Variants in DHRSX observed in about 807,000 individuals in gnomAD.
The protein encoded by DHRSX is dehydrogenase/reductase X-linked, also known as polyprenol dehydrogenase.
Under a neutral mutation model 34.0 loss-of-function variants are expected in DHRSX, and 31 were observed. That is an observed-to-expected ratio of 0.91 (90% CI 0.69 to 1.23). DHRSX has a LOEUF of 1.23. Among genes scored for constraint, DHRSX ranks in the 50% most tolerant of loss-of-function variants. The pLI, the probability that DHRSX is intolerant of heterozygous loss-of-function variation, is 0.00. For missense variants in DHRSX, 414 were observed against 428.1 expected, an observed-to-expected ratio of 0.97 and a Z score of 0.29; for synonymous variants, 201 against 183.8, an observed-to-expected ratio of 1.09 and a Z score of -0.76.
chrX:2,482,001 A>G (rs994609786), intron 1 of DHRSX, among the ~76,000 whole-genome samples: 1 of 151,456 alleles, frequency 6.6e-6, no homozygotes, highest in Admixed American at 6.6e-5. Flanking sequence ...CGCCCAGGCT[A>G]TTGCCCAGCC....
intron 3 of DHRSX, among the ~76,000 whole-genome samples, chrX:2,365,449 C>T (rs1015434551): frequency 3.1e-4 from 47 of 152,030 alleles, no homozygotes; most frequent in Non-Finnish European, 5.1e-4. Context: ...CAGGTTTTGG[C>T]CTTTTTGATG....
chrX:2,483,768 G>GA (rs201407141), intron 1 of DHRSX, among the ~76,000 whole-genome samples: 1 of 84,874 alleles, frequency 1.2e-5, no homozygotes, highest in African/African-American at 4.1e-5. Context: ...GGTGCCTCGA[G>GA]AAAAAAAAGG....
At chrX:2,367,822 G>A (rs1259842741) in intron 3 of DHRSX, among the ~76,000 whole-genome samples, 3 of 152,072 alleles carry the variant, frequency 2.0e-5, no homozygotes, top group African/African-American at 7.2e-5. Flanking sequence ...TATTCTCTGC[G>A]TCTTTCAAAT....
chrX:2,470,410 A>G (rs2044571281), intron 1 of DHRSX, among the ~76,000 whole-genome samples: 2 of 150,566 alleles, frequency 1.3e-5, no homozygotes, highest in Non-Finnish European at 1.5e-5. Flanking sequence ...CAAATAAAAA[A>G]AAAACTGAAA....
intron 6 of DHRSX, among the ~76,000 whole-genome samples, chrX:2,225,430 G>C (rs2015635207): frequency 6.6e-6 from 1 of 152,076 alleles, no homozygotes; most frequent in Non-Finnish European, 1.5e-5. Flanking sequence ...TCATTCACAT[G>C]CATACTTATA....
intron 2 of DHRSX, among the ~76,000 whole-genome samples, chrX:2,421,252 C>T (rs1460659125): frequency 2.0e-5 from 3 of 152,036 alleles, no homozygotes; most frequent in African/African-American, 7.2e-5. Flanking sequence ...TGGTGGTGCA[C>T]GCCTGTGGTC....
chrX:2,359,449 G>A (rs12841438), intron 3 of DHRSX, among the ~76,000 whole-genome samples: 40,740 of 152,046 alleles, frequency 0.27, 5,680 homozygotes, highest in Non-Finnish European at 0.31. Context: ...AGGCCAAGGC[G>A]GGTGGATCGC....
Position 2,304,683 on chromosome X carries a change from A to T in DHRSX, c.287-13080T>A, listed in dbSNP as rs150878063. On this transcript the variant is annotated intron_variant, in intron 3 of 6. Coordinates refer to ENST00000334651, the MANE Select transcript of DHRSX (RefSeq NM_145177.3). ...CTTTCCTTCACTTTCCACTATGATT[A>T]TGCATTTCCTCATGCCTCCCTAGAA... is the stretch of plus-strand genomic sequence containing the variant. Among the ~76,000 whole-genome samples, 1,418 of 152,162 alleles carry T rather than the reference A, an allele frequency of 9.3e-3. 19 individuals are homozygous for T. The highest frequency in any genetic ancestry group is 0.029 in the African/African-American group (1,224 of 41,502).
At chrX:2,364,415 G>A (rs1165200005) in intron 3 of DHRSX, among the ~76,000 whole-genome samples, 1 of 152,098 alleles carries the variant, frequency 6.6e-6, no homozygotes, top group Non-Finnish European at 1.5e-5. Flanking sequence ...TGGACATACT[G>A]CCAAGGTTGA....
At chrX:2,336,157 G>A (rs971800494) in intron 3 of DHRSX, among the ~76,000 whole-genome samples, 1 of 151,828 alleles carries the variant, frequency 6.6e-6, no homozygotes, top group East Asian at 1.9e-4. Context: ...ACAGGCGCCC[G>A]CCACCATGCC....
At chrX:2,302,574 T>G (rs182100197) in intron 3 of DHRSX, among the ~76,000 whole-genome samples, 57 of 152,056 alleles carry the variant, frequency 3.7e-4, no homozygotes, top group African/African-American at 1.2e-3. Context: ...ATCGCACCAC[T>G]GCACTCCAGC....
intron 3 of DHRSX, among the ~76,000 whole-genome samples, chrX:2,381,797 C>CAAAAAAAAAA (rs767319246): frequency 1.2e-5 from 1 of 81,614 alleles, no homozygotes; most frequent in East Asian, 4.8e-4. Flanking sequence ...AAGCCACAAC[C>CAAAAAAAAAA]AAAAAAAAAA....
At chrX:2,244,697 A>T (rs868321980) in intron 5 of DHRSX, among the ~76,000 whole-genome samples, 10 of 129,336 alleles carry the variant, frequency 7.7e-5, no homozygotes, top group East Asian at 6.1e-4. Flanking sequence ...ATATATATAT[A>T]TTTTTAAATT....
At chrX:2,468,621 G>C (rs6567557) in intron 1 of DHRSX, among the ~76,000 whole-genome samples, 7 of 150,142 alleles carry the variant, frequency 4.7e-5, no homozygotes, top group Admixed American at 2.0e-4. Context: ...CCAAGGGACC[G>C]CCGCCATGTA....
chrX:2,460,575 C>T (rs1183209390), intron 1 of DHRSX, among the ~76,000 whole-genome samples: 14 of 124,588 alleles, frequency 1.1e-4, no homozygotes, highest in African/African-American at 3.6e-4. Flanking sequence ...TGTGCCACCA[C>T]GTCTGGCTTT....
chrX:2,453,152 GAATAT>G (rs916020785), intron 1 of DHRSX, among the ~76,000 whole-genome samples: 4 of 152,144 alleles, frequency 2.6e-5, no homozygotes, highest in Non-Finnish European at 5.9e-5. Context: ...CGCATATGTA[GAATAT>G]AAAAAAGCTG....
intron 3 of DHRSX, among the ~76,000 whole-genome samples, chrX:2,298,612 A>ACG (rs2041967417): frequency 1.4e-4 from 8 of 57,232 alleles, no homozygotes; most frequent in African/African-American, 4.1e-4. Context: ...ACACACACAC[A>ACG]CACACACACA....
chrX:2,244,471 C>T (rs905004639), intron 5 of DHRSX, among the ~76,000 whole-genome samples: 6 of 152,124 alleles, frequency 3.9e-5, no homozygotes, highest in Admixed American at 6.6e-5. Context: ...CACACAACCA[C>T]CATAGACTCC....
chrX:2,472,519 C>A (rs1238581323), intron 1 of DHRSX, among the ~76,000 whole-genome samples: 1 of 152,176 alleles, frequency 6.6e-6, no homozygotes, highest in East Asian at 1.9e-4. Flanking sequence ...TTCATAATCC[C>A]AGCACTTTGG....
Sources: gnomAD v4.1 joint callset for allele counts (sites outside exome capture counted in the v4.1 genomes callset) on GRCh38, gnomAD v4.1.1 for gene constraint, MANE v1.5 for transcripts, NCBI Gene and HGNC (gene_info 2026-07-23, HGNC 2026-07-21) for gene names.